Variants in FUT8 observed in about 807,000 individuals in gnomAD.
The protein encoded by FUT8 is fucosyltransferase 8.
In FUT8, 29 loss-of-function variants were observed where a neutral mutation model predicts 71.3. That is an observed-to-expected ratio of 0.41 (90% CI 0.30 to 0.55). FUT8 has a LOEUF of 0.55. Among genes scored for constraint, FUT8 ranks in the 20% least tolerant of loss-of-function variants. The pLI is 0.34. For missense variants in FUT8, 544 were observed against 702.1 expected, an observed-to-expected ratio of 0.77 and a Z score of 2.55; for synonymous variants, 254 against 239.3, an observed-to-expected ratio of 1.06 and a Z score of -0.57.
At position 65,677,159 on chromosome 14, in the gene FUT8, C is replaced by T. The variant is rs61989818; in HGVS notation, c.835+7679C>T. 3.0e-3 allele frequency among the ~76,000 whole-genome samples: 134 copies of T among 44,532 alleles called. 2 individuals are homozygous for T. The highest frequency in any genetic ancestry group is 6.4e-3 in the African/African-American group (83 of 12,956). The allele number at this position is 44,532 out of a possible 152,430, so 29.2% of individuals were successfully genotyped here. On this transcript the variant is annotated intron_variant, in intron 7 of 10. Coordinates refer to ENST00000673929, the MANE Select transcript of FUT8 (RefSeq NM_001371533.1). ...GTGTGTGTGTGTGTGTGTGCGCGCGCGCATGCGCGCGCACGTATGTGTGTG... is the reference window on the plus strand; with the variant it reads ...GTGTGTGTGTGTGTGTGTGCGCGCGTGCATGCGCGCGCACGTATGTGTGTG...
intron 1 of FUT8, among the ~76,000 whole-genome samples, chr14:65,421,194 GA>G (rs61617981): frequency 0.7 from 66,758 of 94,802 alleles, 22,646 homozygotes; most frequent in East Asian, 0.81. Flanking sequence ...TCCATCTCAG[GA>G]AAAAAAAAAA....
intron 6 of FUT8, among the ~76,000 whole-genome samples, chr14:65,649,624 AG>A (rs1474583932): frequency 6.6e-6 from 1 of 152,244 alleles, no homozygotes; most frequent in Non-Finnish European, 1.5e-5. Flanking sequence ...TAAATCTAAA[AG>A]AGACCATTCA....
intron 7 of FUT8, among the ~76,000 whole-genome samples, chr14:65,697,379 G>A (rs969984051): frequency 6.6e-6 from 1 of 152,132 alleles, no homozygotes; most frequent in Non-Finnish European, 1.5e-5. Flanking sequence ...ATGGTTTGTG[G>A]GGAGGAGGAA....
intron 1 of FUT8, among the ~76,000 whole-genome samples, chr14:65,446,963 C>T (rs192981751): frequency 6.6e-6 from 1 of 152,250 alleles, no homozygotes; most frequent in East Asian, 1.9e-4. Context: ...ACCACCACAC[C>T]CGACTCTGCT....
intron 1 of FUT8, among the ~76,000 whole-genome samples, chr14:65,439,987 T>TATATATACACACAC (rs1358951833): frequency 2.2e-5 from 3 of 138,082 alleles, no homozygotes; most frequent in African/African-American, 8.0e-5. Context: ...TATATATATA[T>TATATATACACACAC]ATATGTACAC....
At chr14:65,442,202 A>C (rs1189672855) in intron 1 of FUT8, among the ~76,000 whole-genome samples, 1 of 148,082 alleles carries the variant, frequency 6.8e-6, no homozygotes, top group African/African-American at 2.5e-5. Context: ...TTTGAGGCTG[A>C]GTCTTGCTCT....
chr14:65,568,046 G>A (rs142194708), intron 3 of FUT8, among the ~76,000 whole-genome samples: 101 of 151,812 alleles, frequency 6.7e-4, no homozygotes, highest in Non-Finnish European at 9.9e-4. Context: ...GGGTGGTGGC[G>A]AGGAAGGAGA....
intron 3 of FUT8, among the ~76,000 whole-genome samples, chr14:65,595,410 G>A (rs1450403995): frequency 1.3e-5 from 2 of 151,774 alleles, no homozygotes; most frequent in African/African-American, 4.8e-5. Flanking sequence ...TTGTTTCCAG[G>A]GTTTACTTCA....
intron 2 of FUT8, among the ~76,000 whole-genome samples, chr14:65,520,087 A>G (rs570472463): frequency 6.6e-6 from 1 of 152,318 alleles, no homozygotes; most frequent in South Asian, 2.1e-4. Flanking sequence ...CCTACCTTTA[A>G]CATTTAACAA....
chr14:65,586,863 C>G (rs568583808), intron 3 of FUT8, among the ~76,000 whole-genome samples: 1 of 152,208 alleles, frequency 6.6e-6, no homozygotes, highest in East Asian at 1.9e-4. Context: ...GAGGGGTTTT[C>G]CCCCCTACAC....
chr14:65,659,425 T>C (rs956013514), intron 6 of FUT8, among the ~76,000 whole-genome samples: 13 of 152,136 alleles, frequency 8.5e-5, no homozygotes, highest in Admixed American at 2.6e-4. Flanking sequence ...AGAAGAATGG[T>C]ACTTTGCAGA....
intron 2 of FUT8, among the ~76,000 whole-genome samples, chr14:65,469,456 C>T (rs1354794491): frequency 1.3e-5 from 2 of 152,140 alleles, no homozygotes; most frequent in East Asian, 1.9e-4. Flanking sequence ...GCAAATGTTA[C>T]GGGATCTTTA....
chr14:65,499,080 A>C (rs942174337), intron 2 of FUT8, among the ~76,000 whole-genome samples: 6 of 152,158 alleles, frequency 3.9e-5, no homozygotes, highest in African/African-American at 1.4e-4. Flanking sequence ...GGTTATTACC[A>C]AAAATTTTTC....
Position 65,700,641 on chromosome 14 carries a change from C to T in FUT8, c.836-21134C>T, listed in dbSNP as rs139272787. On this transcript the variant is annotated intron_variant, in intron 7 of 10. Transcript: ENST00000673929. ...GTCTCGATCTCCTGACCTCGTGATC[C>T]GCCCGCCTTGGCCTCCCAAAGTGCT... 5.8e-3 allele frequency among the ~76,000 whole-genome samples: 878 copies of T among 152,138 alleles called. 10 individuals carry two copies. Among genetic ancestry groups the T allele is most frequent in the African/African-American group, 0.019 (809 of 41,488 alleles).
intron 7 of FUT8, among the ~76,000 whole-genome samples, chr14:65,720,333 T>C (rs1886596918): frequency 6.7e-6 from 1 of 149,814 alleles, no homozygotes; most frequent in African/African-American, 2.5e-5. Context: ...TGGTGAATGT[T>C]GCCAGGCCTG....
Position 65,717,597 on chromosome 14 carries a change from C to T in FUT8, c.836-4178C>T, listed in dbSNP as rs569875491. Among the ~76,000 whole-genome samples the T allele has an allele frequency of 7.7e-3, 985 of 127,796 alleles. 11 individuals are homozygous for T. Among genetic ancestry groups the T allele is most frequent in the African/African-American group, 0.024 (805 of 33,298 alleles). 83.8% of individuals were successfully genotyped at this position (127,796 alleles called of 152,430 possible). ...GCAGAGACGCTCCTCACCTCCCAGACGGGGCGGCCGGGCAGAGGCGCTCCC... is the reference window on the plus strand; with the variant it reads ...GCAGAGACGCTCCTCACCTCCCAGATGGGGCGGCCGGGCAGAGGCGCTCCC... On this transcript the variant is annotated intron_variant, in intron 7 of 10. Coordinates refer to ENST00000673929, the MANE Select transcript of FUT8 (RefSeq NM_001371533.1).
intron 3 of FUT8, among the ~76,000 whole-genome samples, chr14:65,565,363 A>G (rs1233613834): frequency 6.6e-6 from 1 of 152,030 alleles, no homozygotes; most frequent in African/African-American, 2.4e-5. Context: ...ACCACATCCA[A>G]ATCATAGCAA....
chr14:65,656,186 A>G (rs1478569205), intron 6 of FUT8, among the ~76,000 whole-genome samples: 1 of 152,090 alleles, frequency 6.6e-6, no homozygotes, highest in South Asian at 2.1e-4. Context: ...TGCAGACTAT[A>G]TGGTTCAATA....
chr14:65,583,987 C>T (rs1017101579), intron 3 of FUT8, among the ~76,000 whole-genome samples: 2 of 152,194 alleles, frequency 1.3e-5, no homozygotes, highest in Non-Finnish European at 2.9e-5. Context: ...TCACACCATT[C>T]TCCTGCCTCA....
Sources: gnomAD v4.1 joint callset for allele counts (sites outside exome capture counted in the v4.1 genomes callset) on GRCh38, gnomAD v4.1.1 for gene constraint, MANE v1.5 for transcripts, NCBI Gene and HGNC (gene_info 2026-07-23, HGNC 2026-07-21) for gene names.